The following XPR1 variants were observed in gnomAD, a reference collection of about 807,000 sequenced individuals.
The protein encoded by XPR1 is solute carrier family 53 member 1.
Under a neutral mutation model 87.5 loss-of-function variants are expected in XPR1, and 28 were observed. That is an observed-to-expected ratio of 0.32 (90% CI 0.24 to 0.44). The LOEUF is 0.44. Among genes scored for constraint, XPR1 ranks in the 20% least tolerant of loss-of-function variants. XPR1 has a pLI of 1.00. For synonymous variants in XPR1, 300 were observed against 306.1 expected, an observed-to-expected ratio of 0.98 and a Z score of 0.21; for missense variants, 559 against 862.3, an observed-to-expected ratio of 0.65 and a Z score of 4.41.
In XPR1 at chr1:180,782,194, C is replaced by A. The variant is rs908934077; in HGVS notation, c.122-5559C>A. 9.2e-5 allele frequency among the ~76,000 whole-genome samples: 14 copies of A among 151,748 alleles called. 1 individual carries two copies. The highest frequency in any genetic ancestry group is 6.2e-4 in the South Asian group (3 of 4,814). On this transcript the variant is annotated intron_variant, in intron 2 of 14. Transcript: ENST00000367590. ...CTTTTTTCTGTTACTGCTAATCTTA[C>A]AATTGTTGATATATCTTTCTAAGAT... is the stretch of plus-strand genomic sequence containing the variant.
intron 1 of XPR1, among the ~76,000 whole-genome samples, chr1:180,671,485 A>G (rs1411702372): frequency 6.6e-6 from 1 of 152,192 alleles, no homozygotes; most frequent in Admixed American, 6.5e-5. Flanking sequence ...TATTTTCCTC[A>G]TGATATATCT....
chr1:180,749,274 T>C (rs1233603304), intron 2 of XPR1, among the ~76,000 whole-genome samples: 1 of 152,254 alleles, frequency 6.6e-6, no homozygotes, highest in South Asian at 2.1e-4. Flanking sequence ...TTTTTTTATG[T>C]CTGTTGCTTA....
chr1:180,782,770 G>A (rs895363524), intron 2 of XPR1, among the ~76,000 whole-genome samples: 2 of 151,898 alleles, frequency 1.3e-5, no homozygotes, highest in East Asian at 1.9e-4. Context: ...CATGTAGCAC[G>A]TAGTAGTCAC....
At chr1:180,744,945 C>A (rs540640079) in intron 2 of XPR1, among the ~76,000 whole-genome samples, 1 of 151,740 alleles carries the variant, frequency 6.6e-6, no homozygotes, top group Non-Finnish European at 1.5e-5. Context: ...GCCACCATGC[C>A]CGGCTGGTTT....
At chr1:180,726,612 A>T (rs1351352083) in intron 2 of XPR1, among the ~76,000 whole-genome samples, 1 of 152,134 alleles carries the variant, frequency 6.6e-6, no homozygotes, top group East Asian at 1.9e-4. Flanking sequence ...CTAAGACTTT[A>T]TTTGCCTTTT....
intron 2 of XPR1, among the ~76,000 whole-genome samples, chr1:180,698,418 C>T (rs576859370): frequency 2.0e-5 from 3 of 152,260 alleles, no homozygotes; most frequent in Admixed American, 6.5e-5. Flanking sequence ...AATCCATTTA[C>T]ACTCAAGGTT....
chr1:180,738,555 T>G (rs12408146), intron 2 of XPR1, among the ~76,000 whole-genome samples: 1 of 152,206 alleles, frequency 6.6e-6, no homozygotes, highest in East Asian at 1.9e-4. Context: ...TTCAGTTGTT[T>G]AGTGGTTTTA....
Position 180,862,261 on chromosome 1 carries a change from G to A in XPR1, c.1502-1447G>A, listed in dbSNP as rs1421915738. On this transcript the variant is annotated intron_variant, in intron 11 of 14. Transcript: ENST00000367590. The stretch of plus-strand genomic sequence containing the variant: ...ATACAGATCTGATCCTAAAGCCCAC[G>A]AAGGCGTTCCACAGTCAGACCCAGA... Among the ~76,000 whole-genome samples, 6 of 151,866 alleles carry A rather than the reference G, an allele frequency of 4.0e-5. No homozygotes were observed. The East Asian group carries it at 5.8e-4, about 15-fold the overall frequency.
chr1:180,696,220 A>G (rs909956346), intron 2 of XPR1, among the ~76,000 whole-genome samples: 3,602 of 134,504 alleles, frequency 0.027, 71 homozygotes, highest in Non-Finnish European at 0.04. Context: ...ATATATATAT[A>G]TATATATATA....
intron 2 of XPR1, among the ~76,000 whole-genome samples, chr1:180,746,760 CAGA>C (rs1330006592): frequency 1.3e-5 from 2 of 152,122 alleles, no homozygotes; most frequent in Non-Finnish European, 2.9e-5. Context: ...AAAAACCAAA[CAGA>C]TGAGCAAAAA....
intron 13 of XPR1, among the ~76,000 whole-genome samples, chr1:180,875,917 T>G (rs1652646643): frequency 6.6e-6 from 1 of 152,108 alleles, no homozygotes; most frequent in South Asian, 2.1e-4. Flanking sequence ...ATGAGCAACT[T>G]TATATCAATA....
At chr1:180,759,212 A>G (rs1190780486) in intron 2 of XPR1, among the ~76,000 whole-genome samples, 1 of 152,198 alleles carries the variant, frequency 6.6e-6, no homozygotes, top group Non-Finnish European at 1.5e-5. Context: ...AAGAACTAAA[A>G]AAGCAAGAGC....
chr1:180,696,202 GTGTGTGTATA>G (rs1219650686), intron 2 of XPR1, among the ~76,000 whole-genome samples: 14 of 106,350 alleles, frequency 1.3e-4, no homozygotes, highest in Admixed American at 5.7e-4. Flanking sequence ...GTGTGTGTGT[GTGTGTGTATA>G]TATATATATA....
intron 3 of XPR1, among the ~76,000 whole-genome samples, chr1:180,795,775 G>C (rs1050935859): frequency 1.3e-5 from 2 of 152,118 alleles, no homozygotes; most frequent in Non-Finnish European, 1.5e-5. Context: ...TATGTAAAAA[G>C]AGCCCTGAGA....
chr1:180,789,167 T>G (rs531772203), intron 3 of XPR1, among the ~76,000 whole-genome samples: 1 of 152,238 alleles, frequency 6.6e-6, no homozygotes, highest in African/African-American at 2.4e-5. Flanking sequence ...AAAATGAATC[T>G]TCTTCTAAGC....
At chr1:180,741,333 T>G (rs1242804875) in intron 2 of XPR1, among the ~76,000 whole-genome samples, 1 of 151,842 alleles carries the variant, frequency 6.6e-6, no homozygotes, top group East Asian at 1.9e-4. Context: ...CGAGCTAATT[T>G]TTTTGTATTT....
intron 1 of XPR1, among the ~76,000 whole-genome samples, chr1:180,680,498 T>C (rs1313076934): frequency 2.6e-5 from 4 of 151,392 alleles, no homozygotes; most frequent in African/African-American, 9.7e-5. Context: ...CCCGAGTAGC[T>C]GGGACTACAG....
intron 2 of XPR1, among the ~76,000 whole-genome samples, chr1:180,685,110 T>C (rs1054091756): frequency 6.6e-6 from 1 of 152,082 alleles, no homozygotes; most frequent in Non-Finnish European, 1.5e-5. Context: ...CAGTATGATA[T>C]TGGCTGTGGG....
At chr1:180,814,475 TGTTA>T in intron 7 of XPR1, among the ~76,000 whole-genome samples, 1 of 152,344 alleles carries the variant, frequency 6.6e-6, no homozygotes, top group Non-Finnish European at 1.5e-5. Context: ...TCAGCTCCAC[TGTTA>T]GTTGTTTTGG....
Sources: gnomAD v4.1 joint callset for allele counts (sites outside exome capture counted in the v4.1 genomes callset) on GRCh38, gnomAD v4.1.1 for gene constraint, MANE v1.5 for transcripts, NCBI Gene and HGNC (gene_info 2026-07-23, HGNC 2026-07-21) for gene names.